Variants in MMP26 observed in about 807,000 individuals in gnomAD.
The protein encoded by MMP26 is matrix metallopeptidase 26.
MMP26 carries 33 observed loss-of-function variants against 31.0 expected under a neutral mutation model. The ratio of observed to expected loss-of-function variants is 1.06; its 90% CI spans 0.81 to 1.42. The LOEUF is 1.42. MMP26 is among the 40% of genes most tolerant of loss of function. The probability of loss-of-function intolerance (pLI) is 0.00; values close to 1 mark genes in which losing one functional copy is unlikely to be tolerated. For synonymous variants in MMP26, 122 were observed against 114.9 expected (o/e 1.06, Z -0.40); for missense variants, 347 against 316.1 (o/e 1.10, Z -0.74).
chr11:4,943,480 A>G (rs1846246907), intron 2 of MMP26: 1 of 455,858 alleles, frequency 2.2e-6, no homozygotes, highest in Non-Finnish European at 4.4e-6. Context: ...TTACATTTAG[A>G]CTAAGGTTTT....
intron 1 of MMP26, among the ~76,000 whole-genome samples, chr11:4,746,836 C>CAT (rs1189203618): frequency 3.2e-3 from 258 of 80,978 alleles, no homozygotes; most frequent in African/African-American, 9.4e-3. Flanking sequence ...CTCTGTCACA[C>CAT]ACACACACAC....
chr11:4,710,726 C>T (rs779321560), intron 1 of MMP26: 7 of 322,624 alleles, frequency 2.2e-5, no homozygotes, highest in African/African-American at 4.3e-5. Context: ...TTCATGAATA[C>T]TGAACCTAGC....
At position 4,767,360 on chromosome 11, in the gene MMP26, A is replaced by G. The variant is rs943124182; in HGVS notation, c.-145+19A>G. On this transcript the variant is annotated intron_variant, in intron 2 of 7. Coordinates refer to ENST00000380390, the MANE Select transcript of MMP26 (RefSeq NM_021801.5). ...ATAAAGGGTAAAATTTTACTTTTAT[A>G]TTATGAATTATCACCCCAATAAGTC... 6.6e-6 allele frequency: 1 copy of G among 152,148 alleles called. No individual in the cohort carries two copies. Among genetic ancestry groups the G allele is most frequent in the African/African-American group, 2.4e-5 (1 of 41,444 alleles). 9.4% of individuals were successfully genotyped at this position (152,148 alleles called of 1,614,324 possible). A position where few individuals can be genotyped will look rare whatever the true frequency, so the allele number is the denominator to read the frequency against.
chr11:4,814,845 C>A (rs1193980696), intron 2 of MMP26, among the ~76,000 whole-genome samples: 1 of 152,008 alleles, frequency 6.6e-6, no homozygotes, highest in East Asian at 1.9e-4. Flanking sequence ...AGTTGTGAAC[C>A]AAAAGTATCT....
intron 2 of MMP26, chr11:4,937,755 A>G (rs1589944954): frequency 5.7e-6 from 1 of 174,010 alleles, no homozygotes; most frequent in East Asian, 1.6e-4. Context: ...GGTGGAGACA[A>G]TAGGAGTGGG....
rs772607976 is a variant in MMP26, at chr11:4,946,939, C to T, written c.-144-41129C>T. 1.1e-5 allele frequency: 17 copies of T among 1,606,086 alleles called. No homozygotes were observed. In the South Asian group the frequency reaches 1.3e-4, roughly 12 times the overall value. On this transcript the variant is annotated intron_variant, in intron 2 of 7. Coordinates refer to ENST00000380390, the MANE Select transcript of MMP26 (RefSeq NM_021801.5). Reference sequence around the variant, plus strand: ...AGTACATGGGCTCATGCAAGGAGGGCTCTGTCTTGATGATAAAAAGAATGG... The same window carrying T: ...AGTACATGGGCTCATGCAAGGAGGGTTCTGTCTTGATGATAAAAAGAATGG...
chr11:4,774,345 T>G (rs1010613884), intron 2 of MMP26, among the ~76,000 whole-genome samples: 39 of 152,208 alleles, frequency 2.6e-4, no homozygotes, highest in African/African-American at 8.2e-4. Flanking sequence ...GGTATCTCCT[T>G]GTGGCTTTGA....
intron 2 of MMP26, among the ~76,000 whole-genome samples, chr11:4,884,266 T>G (rs924467957): frequency 1.2e-4 from 18 of 152,242 alleles, no homozygotes; most frequent in African/African-American, 3.6e-4. Flanking sequence ...TATGCAATTA[T>G]AAGTAAAATT....
intron 2 of MMP26, chr11:4,875,903 G>C (rs1391696907): frequency 1.3e-5 from 2 of 152,096 alleles, no homozygotes; most frequent in African/African-American, 4.8e-5. Flanking sequence ...TGCAAGCTCA[G>C]ATCCCTTTAG....
intron 2 of MMP26, among the ~76,000 whole-genome samples, chr11:4,977,050 C>G (rs1846747514): frequency 6.6e-6 from 1 of 151,768 alleles, no homozygotes; most frequent in Non-Finnish European, 1.5e-5. Context: ...ACCCTTTGTT[C>G]ATTTTTTAAA....
At chr11:4,965,634 T>A (rs958680217) in intron 2 of MMP26, among the ~76,000 whole-genome samples, 1 of 152,190 alleles carries the variant, frequency 6.6e-6, no homozygotes, top group Admixed American at 6.5e-5. Context: ...GATGGAAAAG[T>A]ATGCATTGCT....
intron 2 of MMP26, among the ~76,000 whole-genome samples, chr11:4,779,581 T>G (rs1252639211): frequency 3.3e-5 from 5 of 152,100 alleles, no homozygotes. Context: ...TTCCCTTACA[T>G]TCTTTGGATA....
intron 1 of MMP26, among the ~76,000 whole-genome samples, chr11:4,730,048 G>C (rs574597193): frequency 2.0e-5 from 3 of 151,774 alleles, no homozygotes; most frequent in Middle Eastern, 3.4e-3. Context: ...CTTTAAGCCC[G>C]CTAAACTAAT....
At chr11:4,718,489 A>T (rs1301749412) in intron 1 of MMP26, 1 of 152,238 alleles carries the variant, frequency 6.6e-6, no homozygotes, top group Non-Finnish European at 1.5e-5. Context: ...TTTCTATATA[A>T]GGTAGACATT....
intron 2 of MMP26, among the ~76,000 whole-genome samples, chr11:4,819,087 C>A (rs1374781530): frequency 6.6e-6 from 1 of 151,964 alleles, no homozygotes; most frequent in Non-Finnish European, 1.5e-5. Flanking sequence ...AGCCTTTATA[C>A]AGAAAATGGT....
chr11:4,944,935 A>T (rs1050777622), intron 2 of MMP26: 2 of 152,154 alleles, frequency 1.3e-5, no homozygotes, highest in African/African-American at 4.8e-5. Context: ...AAATTCATTC[A>T]TTAGCAATTA....
intron 2 of MMP26, among the ~76,000 whole-genome samples, chr11:4,874,450 A>T (rs1422524676): frequency 2.6e-5 from 4 of 151,966 alleles, no homozygotes; most frequent in Non-Finnish European, 5.9e-5. Flanking sequence ...ATTTATTTAA[A>T]ATAATTTCTT....
chr11:4,769,998 T>A (rs1848695474), intron 2 of MMP26: 1 of 703,778 alleles, frequency 1.4e-6, no homozygotes, highest in South Asian at 1.8e-5. Flanking sequence ...GTAAAATATT[T>A]AGATACATTT....
At chr11:4,933,802 C>T (rs929657370) in intron 2 of MMP26, among the ~76,000 whole-genome samples, 1 of 148,680 alleles carries the variant, frequency 6.7e-6, no homozygotes, top group Non-Finnish European at 1.5e-5. Context: ...CAATTCCCAC[C>T]TATAAGTGAG....
Sources: allele counts gnomAD v4.1 joint callset (sites outside exome capture counted in the v4.1 genomes callset), GRCh38; gene constraint gnomAD v4.1.1; transcripts MANE v1.5; gene names NCBI Gene and HGNC (gene_info 2026-07-23, HGNC 2026-07-21).